The following MUC4 variants were observed in gnomAD, a reference collection of about 807,000 sequenced individuals.
MUC4 encodes mucin 4, cell surface associated.
In MUC4, 202 loss-of-function variants were observed where a neutral mutation model predicts 257.9. The ratio of observed to expected loss-of-function variants is 0.78; its 90% CI spans 0.70 to 0.88. MUC4 has a LOEUF of 0.88. Among genes scored for constraint, MUC4 ranks in the 40% least tolerant of loss-of-function variants. MUC4 has a pLI of 0.00. For missense variants in MUC4, 5,976 were observed against 6,513.7 expected (o/e 0.92, Z 2.84); for synonymous variants, 2,351 against 2,757.1 (o/e 0.85, Z 4.62).
At position 195,771,799 on chromosome 3, in the gene MUC4, C is replaced by T; in HGVS notation, c.13095G>A (p.Gln4365=). The T allele has an allele frequency of 6.2e-7, 1 of 1,613,898 alleles. No individual in the cohort carries two copies. The highest frequency in any genetic ancestry group is 1.3e-5 in the African/African-American group (1 of 75,030). The change falls in exon 5 of 25, where the codon CAG becomes CAA. Residue 4365 remains glutamine (Q), a synonymous_variant. Coordinates refer to ENST00000463781, the MANE Select transcript of MUC4 (RefSeq NM_018406.7). ...RDSLYFTDNG[Q]IIFPESDYQI... ...GGTAGTCTGACTCTGGGAAGATGAT[C>T]TGGCCATTGTCTGTGAACTGAGCAC...
At chr3:195,809,044 A>T (rs1367290366) in intron 1 of MUC4, among the ~76,000 whole-genome samples, 6 of 152,116 alleles carry the variant, frequency 3.9e-5, no homozygotes, top group Admixed American at 3.9e-4. Context: ...ATTTCGACCC[A>T]GTTGCCTTTC....
At chr3:195,759,008 A>G (rs1718243343) in intron 17 of MUC4, 116 bp downstream of exon 17, 3 of 1,361,002 alleles carry the variant, frequency 2.2e-6, no homozygotes, top group East Asian at 2.3e-5. Context: ...GGATATTCAA[A>G]TGAAAGAGTG....
At position 195,761,594 on chromosome 3, in the gene MUC4, C is replaced by A; in HGVS notation, c.14513-9G>T. 2 of 1,611,266 alleles carry A rather than the reference C, an allele frequency of 1.2e-6. No homozygotes were observed. Among genetic ancestry groups the A allele is most frequent in the Non-Finnish European group, 8.5e-7 (1 of 1,177,522 alleles). On this transcript the variant is annotated splice_polypyrimidine_tract_variant and intron_variant, in intron 14 of 24. Transcript: ENST00000463781. The stretch of plus-strand genomic sequence containing the variant: ...ATTGTTATTCCAGACCCCTGAGGGA[C>A]AGAGTGGGAGGTTGGCCACCCTGGG...
chr3:195,806,313 C>T (rs150392581), intron 1 of MUC4, among the ~76,000 whole-genome samples: 2 of 152,302 alleles, frequency 1.3e-5, no homozygotes, highest in East Asian at 3.9e-4. Flanking sequence ...CAGGCCTCAG[C>T]TCCCCGCAGA....
chr3:195,783,962 G>A lies in MUC4; in HGVS notation c.7618C>T (p.Arg2540Cys), dbSNP rs549569727. ...GTGACATGAAGAGAGGTGGCGTGAC[G>A]TGTGGATAATGAGGAAGCATTGGTG... ...PVTNASSLST[R>C]HATSLHVTSP... The change falls in exon 2 of 25, where the codon CGT becomes TGT. Residue 2540 changes from arginine to cysteine, a missense_variant. By Grantham distance (180) the Arg-to-Cys change is radical. Coordinates refer to ENST00000463781, the MANE Select transcript of MUC4 (RefSeq NM_018406.7). The A allele has an allele frequency of 6.0e-5, 90 of 1,491,632 alleles. 10 individuals are homozygous for A. In the African/African-American group the frequency reaches 7.7e-4, roughly 13 times the overall value. 92.4% of individuals were successfully genotyped at this position (1,491,632 alleles called of 1,614,324 possible).
chr3:195,807,369 G>C (rs1736111105), intron 1 of MUC4, among the ~76,000 whole-genome samples: 1 of 152,124 alleles, frequency 6.6e-6, no homozygotes. Flanking sequence ...TCGGGAGGCT[G>C]AGGCAGGAGA....
intron 1 of MUC4, among the ~76,000 whole-genome samples, chr3:195,805,517 A>G (rs1159763735): frequency 1.3e-5 from 2 of 152,128 alleles, no homozygotes; most frequent in Non-Finnish European, 2.9e-5. Context: ...TGTCCTCAGG[A>G]GCCTGGCTGC....
chr3:195,787,390 CTAGTGA>C lies in MUC4; in HGVS notation c.4184_4189del (p.Val1395_Ser1397delinsGly). On this transcript the variant is annotated inframe_deletion, in exon 2 of 25. Transcript: ENST00000463781. ...GTGACCTGTGGATGCTGAGGAAGGG[CTAGTGA>C]CAGGAAGAGGCGTGGTGTCACCTGT... 2.8e-6 allele frequency: 2 copies of C among 712,616 alleles called. No individual in the cohort carries two copies. The highest frequency in any genetic ancestry group is 3.4e-5 in the Admixed American group (1 of 29,068). The allele number at this position is 712,616 out of a possible 1,614,324, so 44.1% of individuals were successfully genotyped here. A position where few individuals can be genotyped will look rare whatever the true frequency, so the allele number is the denominator to read the frequency against.
At chr3:195,806,243 A>AT (rs1359173159) in intron 1 of MUC4, among the ~76,000 whole-genome samples, 1 of 152,134 alleles carries the variant, frequency 6.6e-6, no homozygotes, top group Non-Finnish European at 1.5e-5. Context: ...CTGCCTCTCC[A>AT]TGAGCTCCGC....
chr3:195,763,754 C>T, intron 11 of MUC4, 113 bp from the exon 12 acceptor site: 1 of 1,153,434 alleles, frequency 8.7e-7, no homozygotes, highest in South Asian at 1.7e-5. Flanking sequence ...TGAGGTTCCT[C>T]ACTGCAGTCG....
intron 13 of MUC4, among the ~76,000 whole-genome samples, 192 bp from the exon 14 acceptor site, chr3:195,762,446 C>T (rs1719235390): frequency 1.3e-5 from 2 of 151,592 alleles, no homozygotes; most frequent in Non-Finnish European, 2.9e-5. Flanking sequence ...GCTCTCTTGG[C>T]CCTGCACCGC....
Position 195,752,466 on chromosome 3 carries a change from A to T in MUC4, c.15509-20T>A. 1 of 1,603,248 alleles carries T rather than the reference A, an allele frequency of 6.2e-7. No homozygotes were observed. On this transcript the variant is annotated intron_variant, in intron 20 of 24. Coordinates refer to ENST00000463781, the MANE Select transcript of MUC4 (RefSeq NM_018406.7). ...GAAGTTCTGGAGATGGGAGAAGCAA[A>T]TGTATCATCACCCCACGGTTTACCC...
In MUC4 at chr3:195,781,641, A is replaced by T. The variant is rs1222105548; in HGVS notation, c.9939T>A (p.Leu3313=). ...SSVSTGHATP[L]LVTDASSAST... is the part of the protein sequence containing the mutation. ...ATGCTGAGGAAGCGTCGGTGACAAG[A>T]AGAGGAGTGGCGTGACCTGTGGATA... Residue 3313 remains leucine (L), a synonymous_variant, in exon 2 of 25, where the codon CTT becomes CTA. Coordinates refer to ENST00000463781, the MANE Select transcript of MUC4 (RefSeq NM_018406.7). 6.7e-6 allele frequency: 3 copies of T among 445,312 alleles called. No homozygotes were observed. The highest frequency in any genetic ancestry group is 6.2e-6 in the Non-Finnish European group (2 of 322,854). The allele number at this position is 445,312 out of a possible 1,614,324, so 27.6% of individuals were successfully genotyped here. A position where few individuals can be genotyped will look rare whatever the true frequency, so the allele number is the denominator to read the frequency against.
intron 7 of MUC4, among the ~76,000 whole-genome samples, chr3:195,768,101 A>T (rs369761912): frequency 3.3e-5 from 5 of 152,224 alleles, no homozygotes; most frequent in African/African-American, 1.2e-4. Context: ...CTCCTCCCTG[A>T]CACAAGCAGG....
intron 1 of MUC4, among the ~76,000 whole-genome samples, chr3:195,801,431 C>T (rs1735293565): frequency 6.6e-6 from 1 of 151,076 alleles, no homozygotes; most frequent in Non-Finnish European, 1.5e-5. Flanking sequence ...TTCTCCGCAC[C>T]CTCCCCGGGG....
intron 21 of MUC4, chr3:195,751,501 C>T (rs564092566): frequency 1.7e-6 from 1 of 590,682 alleles, no homozygotes; most frequent in Non-Finnish European, 3.0e-6. Context: ...TCCATTCTGT[C>T]CCCCCCTCAG....
chr3:195,771,276 G>A (rs1253984239), intron 5 of MUC4, among the ~76,000 whole-genome samples: 1 of 111,224 alleles, frequency 9.0e-6, no homozygotes, highest in African/African-American at 4.0e-5. Context: ...CTCGTGGTTG[G>A]GTTGGGGTAT....
rs902750523 is a variant in MUC4, at chr3:195,778,836, T to A, written c.12744A>T (p.Ser4248=). The A allele has an allele frequency of 1.9e-6, 3 of 1,612,144 alleles. No homozygotes were observed. Among genetic ancestry groups the A allele is most frequent in the Non-Finnish European group, 2.5e-6 (3 of 1,179,526 alleles). The change falls in exon 2 of 25, where the codon TCA becomes TCT. Residue 4248 remains serine, a synonymous_variant. Transcript: ENST00000463781. ...ATPLAVSSAT[S]ASTVSSDSPL... ...GGGAGTCCGAGGATACTGTGGAAGC[T>A]GAGGTAGCACTGCTGACAGCAAGAG...
intron 1 of MUC4, among the ~76,000 whole-genome samples, chr3:195,807,867 C>G (rs1243503940): frequency 6.6e-6 from 1 of 152,240 alleles, no homozygotes. Context: ...AAATCACTTG[C>G]GTGTCAAGCA....
Sources: allele counts gnomAD v4.1 joint callset (sites outside exome capture counted in the v4.1 genomes callset), GRCh38; gene constraint gnomAD v4.1.1; transcripts MANE v1.5; gene names NCBI Gene and HGNC (gene_info 2026-07-23, HGNC 2026-07-21).